RPP30: variants seen among roughly 807,000 people sequenced by gnomAD.
RPP30 encodes the protein ribonuclease P protein subunit p30.
A neutral mutation model predicts 38.6 loss-of-function variants in RPP30; 36 were observed. The ratio of observed to expected loss-of-function variants is 0.93; its 90% CI spans 0.71 to 1.23. RPP30 has a LOEUF of 1.23. RPP30 is among the 50% of genes most tolerant of loss of function. The pLI, the probability that RPP30 is intolerant of heterozygous loss-of-function variation, is 0.00. For missense variants in RPP30, 321 were observed against 321.7 expected (o/e 1.00, Z 0.02); for synonymous variants, 126 against 112.7 (o/e 1.12, Z -0.75).
At chr10:90,881,598 AC>A (rs986483676) in intron 5 of RPP30, among the ~76,000 whole-genome samples, 6 of 152,146 alleles carry the variant, frequency 3.9e-5, no homozygotes, top group African/African-American at 1.4e-4. Flanking sequence ...TCCAAATATT[AC>A]CCATTCCTTA....
Position 90,875,590 on chromosome 10 carries a change from C to T in RPP30, c.171C>T (p.Leu57=). Residue 57 remains leucine (L), a synonymous_variant, in exon 3 of 11, where the codon CTC becomes CTT. Transcript: ENST00000371703. ...EIEKPVAVSE[L]FTTLPIVQGK... ...AAAAACCAGTAGCTGTTTCTGAACT[C>T]TTCACAACTTTGCCAATTGTACAGG... The T allele has an allele frequency of 3.1e-6, 5 of 1,613,572 alleles. No homozygotes were observed. The highest frequency in any genetic ancestry group is 4.2e-6 in the Non-Finnish European group (5 of 1,179,634).
chr10:90,891,082 A>G (rs1379679754), intron 6 of RPP30, among the ~76,000 whole-genome samples: 1 of 152,218 alleles, frequency 6.6e-6, no homozygotes, highest in Admixed American at 6.5e-5. Context: ...GGCAACAACT[A>G]TTCAAATTAC....
chr10:90,898,501 T>C (rs189325425), intron 10 of RPP30, among the ~76,000 whole-genome samples: 75 of 152,272 alleles, frequency 4.9e-4, no homozygotes, highest in Middle Eastern at 3.4e-3. Context: ...CAAAGCCTCG[T>C]TATTATACTC....
At chr10:90,885,712 T>A (rs188678824) in intron 5 of RPP30, 100 bp from the exon 6 acceptor site, 19 of 722,554 alleles carry the variant, frequency 2.6e-5, no homozygotes, top group Non-Finnish European at 2.4e-5. Context: ...TCAAAACACC[T>A]ATGGAGTGAA....
Position 90,900,646 on chromosome 10 carries a change from TC to T in RPP30, c.776del (p.Pro259GlnfsTer34). The T allele has an allele frequency of 6.2e-7, 1 of 1,613,698 alleles. No homozygotes were observed. The highest frequency in any genetic ancestry group is 1.1e-5 in the South Asian group (1 of 90,902). On this transcript the variant is annotated frameshift_variant, in exon 11 of 11. Transcript: ENST00000371703. LOFTEE classifies it high-confidence loss of function. ...RPSEGDEDCL[P>X]ASKKAKCEG ...CATCAGAAGGAGATGAAGATTGTCT[TC>T]CAGCTTCCAAGAAAGCCAAGTGTGA...
At chr10:90,886,027 A>G (rs1310764016) in intron 6 of RPP30, 126 bp downstream of exon 6, 1 of 582,872 alleles carries the variant, frequency 1.7e-6, no homozygotes, top group African/African-American at 2.0e-5. Context: ...GCAGTTTTAG[A>G]AAAGAGAATT....
At chr10:90,876,592 G>T (rs117956516) in intron 4 of RPP30, among the ~76,000 whole-genome samples, 1 of 152,286 alleles carries the variant, frequency 6.6e-6, no homozygotes, top group East Asian at 1.9e-4. Context: ...GACAAGCAGG[G>T]AGCTAATGTT....
rs752249548 is a variant in RPP30, at chr10:90,874,865, T to C, written c.83-4T>C. 48 of 1,594,078 alleles carry C rather than the reference T, an allele frequency of 3.0e-5. No homozygotes were observed. The Admixed American group carries it at 7.2e-4, about 24-fold the overall frequency. The stretch of plus-strand genomic sequence containing the variant: ...AACAAAAGTGTTCAATTTTTCTTTT[T>C]CAGTTGGCTATTCAGTTGTTGCTAT... On this transcript the variant is annotated splice_region_variant and splice_polypyrimidine_tract_variant and intron_variant, in intron 1 of 10. Transcript: ENST00000371703.
At chr10:90,905,213 C>T (rs998791752), downstream of RPP30, 1 of 152,030 alleles carries the variant, frequency 6.6e-6, no homozygotes, top group African/African-American at 2.4e-5. Context: ...TGTTAGCATC[C>T]ATAGAGATCC....
intron 5 of RPP30, among the ~76,000 whole-genome samples, chr10:90,883,163 G>A (rs1006790758): frequency 3.9e-5 from 6 of 152,044 alleles, no homozygotes; most frequent in Non-Finnish European, 7.4e-5. Context: ...CCTTTGAAAG[G>A]GATTCAGGGA....
Position 90,894,834 on chromosome 10 carries a change from A to G in RPP30, c.492A>G (p.Thr164=). 6.2e-7 allele frequency: 1 copy of G among 1,613,606 alleles called. No homozygotes were observed. Among genetic ancestry groups the G allele is most frequent in the East Asian group, 2.2e-5 (1 of 44,866 alleles). Residue 164 remains threonine, a synonymous_variant, in exon 7 of 11, where the codon ACA becomes ACG. Coordinates refer to ENST00000371703, the MANE Select transcript of RPP30 (RefSeq NM_006413.5). ...LVYSPAIKDS[T]MRRYTISSAL... ...ATAGCCCTGCTATCAAAGACTCCAC[A>G]ATGAGAAGGTATACAATTTCCAGTG...
At chr10:90,895,047 G>A (rs774332115) in intron 7 of RPP30, 156 bp downstream of exon 7, 3 of 718,540 alleles carry the variant, frequency 4.2e-6, no homozygotes, top group Admixed American at 3.8e-5. Flanking sequence ...AAATTTTAAG[G>A]GAAAGAAAAA....
intron 10 of RPP30, among the ~76,000 whole-genome samples, chr10:90,898,352 A>G (rs947364235): frequency 6.6e-6 from 1 of 152,212 alleles, no homozygotes. Context: ...AGAGTCCTAA[A>G]CTAGATGATA....
intron 6 of RPP30, among the ~76,000 whole-genome samples, chr10:90,893,931 T>C (rs571047414): frequency 6.6e-6 from 1 of 152,196 alleles, no homozygotes; most frequent in South Asian, 2.1e-4. Context: ...CTGAACAGTA[T>C]GGTGGTTAAT....
intron 6 of RPP30, among the ~76,000 whole-genome samples, chr10:90,890,305 C>T (rs1021057243): frequency 2.6e-5 from 4 of 152,172 alleles, no homozygotes; most frequent in African/African-American, 7.2e-5. Flanking sequence ...TAAAACAGCA[C>T]GTATCTCTTT....
At chr10:90,889,989 A>G (rs890743213) in intron 6 of RPP30, among the ~76,000 whole-genome samples, 3 of 152,218 alleles carry the variant, frequency 2.0e-5, no homozygotes, top group Non-Finnish European at 2.9e-5. Flanking sequence ...TTAGCATTTT[A>G]TGACATAAGC....
chr10:90,900,860 T>C lies in RPP30; in HGVS notation c.*181T>C. 1 of 1,296,434 alleles carries C rather than the reference T, an allele frequency of 7.7e-7. No homozygotes were observed. The highest frequency in any genetic ancestry group is 1.5e-5 in the African/African-American group (1 of 66,296). The allele number at this position is 1,296,434 out of a possible 1,614,324, so 80.3% of individuals were successfully genotyped here. On this transcript the variant is annotated 3_prime_UTR_variant, in exon 11 of 11. Transcript: ENST00000371703. ...CAAACGAAACCTAGTGAAGCATCTT[T>C]TTAAAAGGCTGCCAGCTTAATGAAT...
At chr10:90,875,076 T>C in intron 2 of RPP30, 152 bp downstream of exon 2, 1 of 492,784 alleles carries the variant, frequency 2.0e-6, no homozygotes. Flanking sequence ...ACAGTCGAGC[T>C]GATGCATATT....
intron 1 of RPP30, 39 bp downstream of exon 1, chr10:90,872,107 C>T (rs1564709139): frequency 3.9e-6 from 6 of 1,533,792 alleles, no homozygotes; most frequent in Non-Finnish European, 5.4e-6. Context: ...AACCTCATGC[C>T]ACCCAGACCA....
Sources: allele counts gnomAD v4.1 joint callset (sites outside exome capture counted in the v4.1 genomes callset), GRCh38; gene constraint gnomAD v4.1.1; transcripts MANE v1.5; gene names NCBI Gene and HGNC (gene_info 2026-07-23, HGNC 2026-07-21).